ENKUR: variants seen among roughly 807,000 people sequenced by gnomAD.
ENKUR encodes the protein enkurin.
A neutral mutation model predicts 27.6 loss-of-function variants in ENKUR; 19 were observed. The ratio of observed to expected loss-of-function variants is 0.69; its 90% CI spans 0.48 to 1.01. ENKUR has a LOEUF of 1.01. ENKUR is among the 50% of genes least tolerant of loss of function. The pLI is 0.00. For synonymous variants in ENKUR, 117 were observed against 96.9 expected (o/e 1.21, Z -1.22); for missense variants, 312 against 310.5 (o/e 1.00, Z -0.04).
chr10:25,045,988 A>G (rs923899823), intron 2 of ENKUR, among the ~76,000 whole-genome samples: 1 of 152,240 alleles, frequency 6.6e-6, no homozygotes, highest in Admixed American at 6.5e-5. Context: ...TAGTTCAAAT[A>G]TAATTTCCAG....
intron 2 of ENKUR, among the ~76,000 whole-genome samples, chr10:25,027,373 A>C (rs907961960): frequency 2.1e-5 from 3 of 144,490 alleles, no homozygotes; most frequent in African/African-American, 7.5e-5. Context: ...AAAAAAAAAA[A>C]AAAAAAAAAA....
upstream of ENKUR, among the ~76,000 whole-genome samples, chr10:25,019,699 C>CTTAA (rs991510841): frequency 9.9e-5 from 15 of 152,284 alleles, no homozygotes; most frequent in African/African-American, 3.6e-4. Context: ...AAAGTCAGTC[C>CTTAA]TATTAACTGC....
intron 2 of ENKUR, among the ~76,000 whole-genome samples, chr10:25,057,944 T>G (rs1564359561): frequency 6.6e-6 from 1 of 152,060 alleles, no homozygotes; most frequent in Non-Finnish European, 1.5e-5. Context: ...ATTTTATATA[T>G]ATATAAAATA....
Position 24,984,364 on chromosome 10 carries a change from T to C in ENKUR, c.*6A>G, listed in dbSNP as rs753223541. On this transcript the variant is annotated 3_prime_UTR_variant, in exon 6 of 6. Coordinates refer to ENST00000331161, the MANE Select transcript of ENKUR (RefSeq NM_145010.4). The stretch of plus-strand genomic sequence containing the variant: ...CTTAACAGTTTTCAAAGTTGTGCTG[T>C]TGGTATCATGCGCTGCAGAAAAAAA... The C allele has an allele frequency of 6.3e-6, 10 of 1,592,322 alleles. No homozygotes were observed. The highest frequency in any genetic ancestry group is 1.8e-5 in the Admixed American group (1 of 56,076).
At position 25,035,662 on chromosome 10, in the gene ENKUR, T is replaced by G. The variant is rs115823029; in HGVS notation, c.37+25450A>C. ...CCTCCAGTATTCTTCATTTTTTCTA[T>G]GATGGTATTTAGGAAATGGAATGAA... is the stretch of plus-strand genomic sequence containing the variant. On this transcript the variant is annotated intron_variant, in intron 2 of 5. Coordinates refer to the ENKUR transcript ENST00000615958. Among the ~76,000 whole-genome samples, 407 of 152,314 alleles carry G rather than the reference T, an allele frequency of 2.7e-3. 1 individual carries two copies. Among genetic ancestry groups the G allele is most frequent in the South Asian group, 7.7e-3 (37 of 4,824 alleles).
At chr10:25,050,625 G>C (rs1388991244) in intron 2 of ENKUR, among the ~76,000 whole-genome samples, 1 of 152,064 alleles carries the variant, frequency 6.6e-6, no homozygotes, top group Non-Finnish European at 1.5e-5. Flanking sequence ...ATTTGGGTGG[G>C]GATTCAGGCA....
intron 1 of ENKUR, among the ~76,000 whole-genome samples, chr10:25,010,675 A>G (rs1274202532): frequency 7.0e-6 from 1 of 142,496 alleles, no homozygotes; most frequent in Non-Finnish European, 1.5e-5. Context: ...ATTCCCATCT[A>G]TGAGTGAGAA....
intron 2 of ENKUR, among the ~76,000 whole-genome samples, chr10:25,027,748 G>C (rs1850884811): frequency 6.6e-6 from 1 of 151,820 alleles, no homozygotes; most frequent in Admixed American, 6.6e-5. Flanking sequence ...GGATATGGTG[G>C]TGCACACCTG....
intron 1 of ENKUR, among the ~76,000 whole-genome samples, chr10:25,010,623 T>A (rs1400220209): frequency 5.8e-5 from 8 of 137,816 alleles, no homozygotes; most frequent in Non-Finnish European, 9.3e-5. Context: ...GTCCCCAGAG[T>A]GTGATGTTCC....
At chr10:25,012,822 T>C (rs1588665461) in intron 1 of ENKUR, among the ~76,000 whole-genome samples, 2 of 152,092 alleles carry the variant, frequency 1.3e-5, no homozygotes, top group African/African-American at 4.8e-5. Flanking sequence ...TGGGGGACTG[T>C]TGGGAAGGTA....
At chr10:25,052,019 T>A (rs1413419409) in intron 2 of ENKUR, among the ~76,000 whole-genome samples, 1 of 152,198 alleles carries the variant, frequency 6.6e-6, no homozygotes, top group Non-Finnish European at 1.5e-5. Flanking sequence ...AAATTCACAT[T>A]AGGCAGCAAA....
intron 4 of ENKUR, among the ~76,000 whole-genome samples, chr10:24,986,580 T>C (rs1013287515): frequency 4.6e-5 from 7 of 152,192 alleles, no homozygotes; most frequent in African/African-American, 1.4e-4. Context: ...GTCTATGTAT[T>C]TGTACATTTG....
chr10:25,054,034 AC>A (rs1224150599), intron 2 of ENKUR, among the ~76,000 whole-genome samples: 6 of 152,226 alleles, frequency 3.9e-5, no homozygotes, highest in African/African-American at 1.4e-4. Context: ...ACTCCAAGCC[AC>A]ACATATATTA....
At position 24,983,346 on chromosome 10, in the gene ENKUR, G is replaced by A. The variant is rs1193833096; in HGVS notation, c.*1024C>T. The A allele has an allele frequency of 6.6e-6, 1 of 151,798 alleles. No homozygotes were observed. Among genetic ancestry groups the A allele is most frequent in the Non-Finnish European group, 1.5e-5 (1 of 67,976 alleles). The allele number at this position is 151,798 out of a possible 1,614,324, so 9.4% of individuals were successfully genotyped here. A position where few individuals can be genotyped will look rare whatever the true frequency, so the allele number is the denominator to read the frequency against. ...GGATCAGATGCATCCTACCCACTCT[G>A]TAAGTCTGGGTCCCTGAGTGACTGC... On this transcript the variant is annotated 3_prime_UTR_variant, in exon 6 of 6. Transcript: ENST00000331161.
upstream of ENKUR, among the ~76,000 whole-genome samples, chr10:25,019,248 A>G (rs1402979397): frequency 6.6e-6 from 1 of 152,176 alleles, no homozygotes; most frequent in African/African-American, 2.4e-5. Flanking sequence ...CCAAGGCAGG[A>G]AGACTGCTTG....
At chr10:24,985,494 C>T (rs1310624368) in intron 4 of ENKUR, among the ~76,000 whole-genome samples, 2 of 152,136 alleles carry the variant, frequency 1.3e-5, no homozygotes, top group Non-Finnish European at 2.9e-5. Context: ...GTCAAGGGAT[C>T]TACAGTTCCC....
At position 25,027,357 on chromosome 10, in the gene ENKUR, CAAAAAAAAAAAA is replaced by C. The variant is rs71399946; in HGVS notation, c.38-31500_38-31489del. On this transcript the variant is annotated intron_variant, in intron 2 of 5. Coordinates refer to the ENKUR transcript ENST00000615958. ...GGGTGACAGAGCAAGACTCCCGTCT[CAAAAAAAAAAAA>C]AAAAAAAAAAAAAAAAAACTAGCCA... Among the ~76,000 whole-genome samples the C allele has an allele frequency of 1.2e-4, 6 of 48,492 alleles. 1 individual carries two copies. Among genetic ancestry groups the C allele is most frequent in the Middle Eastern group, 0.042 (2 of 48 alleles). 31.8% of individuals were successfully genotyped at this position (48,492 alleles called of 152,430 possible).
intron 1 of ENKUR, among the ~76,000 whole-genome samples, chr10:25,006,300 G>A (rs79010767): frequency 0.017 from 2,526 of 152,106 alleles, 88 homozygotes; most frequent in African/African-American, 0.055. Flanking sequence ...GTAGAAGTGC[G>A]GCTGAAATCT....
At chr10:25,056,250 C>A (rs1394369372) in intron 2 of ENKUR, among the ~76,000 whole-genome samples, 1 of 152,218 alleles carries the variant, frequency 6.6e-6, no homozygotes, top group African/African-American at 2.4e-5. Context: ...TTATGTCACT[C>A]ATATGCCATG....
Sources: gnomAD v4.1 joint callset for allele counts (sites outside exome capture counted in the v4.1 genomes callset) on GRCh38, gnomAD v4.1.1 for gene constraint, MANE v1.5 for transcripts, NCBI Gene and HGNC (gene_info 2026-07-23, HGNC 2026-07-21) for gene names.